IKBKB: variants seen among roughly 807,000 people sequenced by gnomAD.
The protein encoded by IKBKB is inhibitor of nuclear factor kappa-B kinase subunit beta.
A neutral mutation model predicts 113.6 loss-of-function variants in IKBKB; 42 were observed. The ratio of observed to expected loss-of-function variants is 0.37; its 90% confidence interval spans 0.29 to 0.48. The LOEUF is 0.48. IKBKB is among the 20% of genes least tolerant of loss of function. IKBKB has a pLI of 0.99. For synonymous variants in IKBKB, 296 were observed against 361.3 expected, an observed-to-expected ratio of 0.82 and a Z score of 2.05; for missense variants, 673 against 939.7, an observed-to-expected ratio of 0.72 and a Z score of 3.71.
chr8:42,305,092 C>A, intron 5 of IKBKB, 95 bp from the exon 6 acceptor site: 1 of 815,174 alleles, frequency 1.2e-6, no homozygotes, highest in South Asian at 1.5e-5. Flanking sequence ...GAGTATGTTT[C>A]AGGGGCATGC....
At chr8:42,303,452 CTCT>C (rs968403755) in intron 5 of IKBKB, among the ~76,000 whole-genome samples, 5 of 152,070 alleles carry the variant, frequency 3.3e-5, no homozygotes, top group Admixed American at 6.6e-5. Context: ...CCATTTGTAT[CTCT>C]TCTTCTGTGC....
chr8:42,279,123 G>A (rs944684569), intron 2 of IKBKB, among the ~76,000 whole-genome samples: 3 of 152,230 alleles, frequency 2.0e-5, no homozygotes, highest in Admixed American at 1.3e-4. Flanking sequence ...CCGTGAGCCC[G>A]GCCCAGGCCA....
At position 42,316,288 on chromosome 8, in the gene IKBKB, G is replaced by T. The variant is rs70958395; in HGVS notation, c.879G>T (p.Thr293=). ...CCCGACAGAGGGGCACGGATCCCAC[G>T]TATGGGCCCAATGGCTGCTTCAAGG... ...WHPRQRGTDP[T]YGPNGCFKAL... The change falls in exon 10 of 22, where the codon ACG becomes ACT. Residue 293 remains threonine, a synonymous_variant. Coordinates refer to ENST00000520810, the MANE Select transcript of IKBKB (RefSeq NM_001556.3). This position sits in a 1 kb window ranked among gnomAD's most constrained non-coding sequence, Gnocchi z 4.5. 1.9e-6 allele frequency: 3 copies of T among 1,614,034 alleles called. No homozygotes were observed. Among genetic ancestry groups the T allele is most frequent in the Non-Finnish European group, 2.5e-6 (3 of 1,180,026 alleles).
At chr8:42,321,069 ATAATGCATT>A (rs1819692509) in intron 16 of IKBKB, 1 of 442,024 alleles carries the variant, frequency 2.3e-6, no homozygotes, top group African/African-American at 2.1e-5. Flanking sequence ...ATGAATTCAG[ATAATGCATT>A]TGAGACGCAG....
intron 21 of IKBKB, 153 bp downstream of exon 21, chr8:42,329,367 G>T: frequency 8.1e-7 from 1 of 1,227,026 alleles, no homozygotes; most frequent in Non-Finnish European, 1.0e-6. Context: ...CTCTCACCCA[G>T]GCTGGAGTGC....
Position 42,318,471 on chromosome 8 carries a change from A to G in IKBKB, c.1241-81A>G, listed in dbSNP as rs566985567. On this transcript the variant is annotated intron_variant, in intron 12 of 21. Coordinates refer to ENST00000520810, the MANE Select transcript of IKBKB (RefSeq NM_001556.3). ...AGGTACAAAACGTGAAAGTGCCAGT[A>G]GTGTCGAAGGCAGGATATGGTTAAT... is the stretch of plus-strand genomic sequence containing the variant. 64 of 1,488,448 alleles carry G rather than the reference A, an allele frequency of 4.3e-5. No individual in the cohort carries two copies. In the South Asian group the frequency reaches 7.5e-4, roughly 17 times the overall value. 92.2% of individuals were successfully genotyped at this position (1,488,448 alleles called of 1,614,324 possible).
chr8:42,310,178 C>T (rs762427738), intron 8 of IKBKB, among the ~76,000 whole-genome samples: 3 of 152,170 alleles, frequency 2.0e-5, no homozygotes, highest in African/African-American at 4.8e-5. Context: ...AGGATTGTTC[C>T]TTGAGAGGCC....
At chr8:42,326,524 C>G (rs1052813720) in intron 20 of IKBKB, 2 of 168,658 alleles carry the variant, frequency 1.2e-5, no homozygotes, top group African/African-American at 4.8e-5. Context: ...CTTGCCTGAA[C>G]CATCGCAGCA....
intron 5 of IKBKB, among the ~76,000 whole-genome samples, chr8:42,297,671 G>T (rs1255258531): frequency 6.6e-6 from 1 of 152,188 alleles, no homozygotes; most frequent in Non-Finnish European, 1.5e-5. Context: ...GAGGCAGATG[G>T]ATCACCTGAG....
chr8:42,276,314 G>C (rs1192722993), intron 2 of IKBKB, among the ~76,000 whole-genome samples: 1 of 152,068 alleles, frequency 6.6e-6, no homozygotes, highest in Non-Finnish European at 1.5e-5. Flanking sequence ...ATCTCATTGT[G>C]GTTTTGATTT....
intron 2 of IKBKB, among the ~76,000 whole-genome samples, chr8:42,277,670 A>G (rs990689399): frequency 6.6e-6 from 1 of 152,106 alleles, no homozygotes; most frequent in African/African-American, 2.4e-5. Context: ...ACTCTAGGCC[A>G]TCTCCTCCTC....
At position 42,272,133 on chromosome 8, in the gene IKBKB, A is replaced by C; in HGVS notation, c.33A>C (p.Thr11=). The change falls in exon 2 of 22, where the codon ACA becomes ACC. Residue 11 remains threonine (T), a synonymous_variant. Coordinates refer to ENST00000520810, the MANE Select transcript of IKBKB (RefSeq NM_001556.3). MSWSPSLTTQ[T]CGAWEMKERL... ...GGTCACCTTCCCTGACAACGCAGAC[A>C]TGTGGGGCCTGGGAAATGAAAGAGC... 6.2e-7 allele frequency: 1 copy of C among 1,614,178 alleles called. No individual in the cohort carries two copies. Among genetic ancestry groups the C allele is most frequent in the Non-Finnish European group, 8.5e-7 (1 of 1,180,026 alleles).
intron 6 of IKBKB, 33 bp downstream of exon 6, chr8:42,305,308 G>C (rs753516140): frequency 7.0e-7 from 1 of 1,424,758 alleles, no homozygotes; most frequent in East Asian, 2.3e-5. Flanking sequence ...GAAAGCCTCA[G>C]GTGGGCGTGC....
intron 5 of IKBKB, among the ~76,000 whole-genome samples, chr8:42,295,271 A>C (rs1030205673): frequency 2.0e-5 from 3 of 151,844 alleles, no homozygotes; most frequent in Non-Finnish European, 2.9e-5. Flanking sequence ...GGAGCACACC[A>C]CCACACCTGG....
At chr8:42,319,701 C>A in intron 15 of IKBKB, 55 bp downstream of exon 15, 1 of 1,403,554 alleles carries the variant, frequency 7.1e-7, no homozygotes, top group South Asian at 1.3e-5. Flanking sequence ...ATTTTGTGCT[C>A]CCACTTTTCA....
intron 7 of IKBKB, among the ~76,000 whole-genome samples, chr8:42,307,425 T>G (rs1319259125): frequency 2.6e-5 from 4 of 152,112 alleles, no homozygotes; most frequent in African/African-American, 9.7e-5. Context: ...GAGCAACTCT[T>G]TGGAAAGCCC....
intron 2 of IKBKB, among the ~76,000 whole-genome samples, chr8:42,287,096 G>A (rs887869672): frequency 2.6e-5 from 4 of 152,234 alleles, no homozygotes; most frequent in African/African-American, 9.6e-5. Flanking sequence ...TGACAGTGGT[G>A]CAGTGGTGAC....
chr8:42,294,784 A>G (rs1367563567), intron 5 of IKBKB, among the ~76,000 whole-genome samples: 2 of 152,142 alleles, frequency 1.3e-5, no homozygotes, highest in African/African-American at 4.8e-5. Flanking sequence ...TTCTCTGTCT[A>G]CCTAGAGCAT....
intron 4 of IKBKB, among the ~76,000 whole-genome samples, chr8:42,290,741 A>G (rs1812447679): frequency 6.6e-6 from 1 of 152,162 alleles, no homozygotes; most frequent in Non-Finnish European, 1.5e-5. Context: ...ATTCATGATC[A>G]GAGAGCCGGG....
Sources: allele counts gnomAD v4.1 joint callset (sites outside exome capture counted in the v4.1 genomes callset), GRCh38; gene constraint gnomAD v4.1.1; non-coding constraint Gnocchi (gnomAD v3.1); transcripts MANE v1.5; gene names NCBI Gene and HGNC (gene_info 2026-07-23, HGNC 2026-07-21).